ADAMTS12: variants seen among roughly 807,000 people sequenced by gnomAD.
ADAMTS12 encodes the protein A disintegrin and metalloproteinase with thrombospondin motifs 12.
In ADAMTS12, 118 loss-of-function variants were observed where a neutral mutation model predicts 167.8. The ratio of observed to expected loss-of-function variants is 0.70; its 90% CI spans 0.61 to 0.82. ADAMTS12 has a LOEUF of 0.82. ADAMTS12 is among the 40% of genes least tolerant of loss of function. ADAMTS12 has a pLI of 0.00. For missense variants in ADAMTS12, 1,916 were observed against 1,998.8 expected, an observed-to-expected ratio of 0.96 and a Z score of 0.79; for synonymous variants, 704 against 716.9, an observed-to-expected ratio of 0.98 and a Z score of 0.29.
intron 16 of ADAMTS12, among the ~76,000 whole-genome samples, chr5:33,611,337 CTT>C (rs78216415): frequency 2.6e-4 from 37 of 140,914 alleles, no homozygotes; most frequent in African/African-American, 7.2e-4. Flanking sequence ...AGCTGTGGGA[CTT>C]TTTTTTTTTT....
intron 19 of ADAMTS12, 26 bp from the exon 20 acceptor site, chr5:33,561,205 C>T: frequency 6.2e-7 from 1 of 1,609,106 alleles, no homozygotes; most frequent in Non-Finnish European, 8.5e-7. Flanking sequence ...AGAGAGATGA[C>T]AGAGGCTGAG....
intron 1 of ADAMTS12, among the ~76,000 whole-genome samples, chr5:33,886,057 T>C (rs889646194): frequency 3.3e-5 from 5 of 152,220 alleles, no homozygotes; most frequent in African/African-American, 9.6e-5. Flanking sequence ...ATTTTTCTCA[T>C]AAATTTTCTG....
intron 5 of ADAMTS12, among the ~76,000 whole-genome samples, chr5:33,668,828 C>T (rs1174497976): frequency 6.6e-6 from 1 of 152,158 alleles, no homozygotes; most frequent in South Asian, 2.1e-4. Context: ...TTTCCTCCCT[C>T]TTACCCTGCA....
At position 33,751,404 on chromosome 5, in the gene ADAMTS12, C is replaced by T. The variant is rs1744972278; in HGVS notation, c.634G>A (p.Asp212Asn). 1 of 1,613,894 alleles carries T rather than the reference C, an allele frequency of 6.2e-7. No individual in the cohort carries two copies. Among genetic ancestry groups the T allele is most frequent in the South Asian group, 1.1e-5 (1 of 91,074 alleles). ...CAGGAGGACATGTGAGTCACAATAC[C>T]CTTTAATCCACAGGTTGGCTCCTTG... Reference protein sequence around the residue: ...ETKEPTCGLKDSVNISQKQEL... With the variant: ...ETKEPTCGLKNSVNISQKQEL... The change falls in exon 3 of 24, where the codon GAC becomes AAC. Residue 212 changes from aspartate to asparagine, a missense_variant and splice_region_variant. By Grantham distance (23) the Asp-to-Asn change is conservative (BLOSUM62 1). Coordinates refer to ENST00000504830, the MANE Select transcript of ADAMTS12 (RefSeq NM_030955.4).
At chr5:33,770,780 TTTC>T (rs1449457758) in intron 2 of ADAMTS12, among the ~76,000 whole-genome samples, 3 of 151,092 alleles carry the variant, frequency 2.0e-5, no homozygotes, top group Non-Finnish European at 3.0e-5. Context: ...TCCTCCCTGC[TTTC>T]TTCTTCTCCT....
At position 33,881,441 on chromosome 5, in the gene ADAMTS12, C is replaced by T. The variant is rs142286539; in HGVS notation, c.167G>A (p.Gly56Asp). 8.6e-5 allele frequency: 139 copies of T among 1,613,730 alleles called. No homozygotes were observed. The African/African-American group carries it at 1.5e-3, about 17-fold the overall frequency. ...CCCACTGGCATCTACTCGGACTGGA[C>T]CCACCACGTGGTATTCTGGCAGGCC... ...IKGLPEYHVV[G>D]PVRVDASGHF... Residue 56 changes from glycine to aspartate, a missense_variant, in exon 2 of 24, where the codon GGT becomes GAT. Transcript: ENST00000504830.
chr5:33,641,756 C>CA, intron 11 of ADAMTS12, 54 bp downstream of exon 11: 6 of 1,475,322 alleles, frequency 4.1e-6, no homozygotes, highest in Non-Finnish European at 5.5e-6. Context: ...GACTGCCCCC[C>CA]ATCCCGCCCC....
In ADAMTS12 at chr5:33,686,958, A is replaced by AAG. The variant is rs553235125; in HGVS notation, c.635-2905_635-2904dup. 2.7e-3 allele frequency among the ~76,000 whole-genome samples: 379 copies of AAG among 138,182 alleles called. 2 individuals are homozygous for AAG. The highest frequency in any genetic ancestry group is 9.9e-3 in the African/African-American group (363 of 36,768). 90.7% of individuals were successfully genotyped at this position (138,182 alleles called of 152,430 possible). A position where few individuals can be genotyped will look rare whatever the true frequency, so the allele number is the denominator to read the frequency against. On this transcript the variant is annotated intron_variant, in intron 3 of 23. Coordinates refer to ENST00000504830, the MANE Select transcript of ADAMTS12 (RefSeq NM_030955.4). The stretch of plus-strand genomic sequence containing the variant: ...ATATAGAGAGAGAGAGAGAGAGAGC[A>AAG]AGAGAGAGAGAGATCTTGGACTTGA...
At chr5:33,773,597 T>A (rs1745819723) in intron 2 of ADAMTS12, among the ~76,000 whole-genome samples, 1 of 152,040 alleles carries the variant, frequency 6.6e-6, no homozygotes, top group Admixed American at 6.6e-5. Context: ...TTACCCTGAC[T>A]CCCAGAAGTA....
chr5:33,659,740 C>T (rs1290555666), intron 6 of ADAMTS12, among the ~76,000 whole-genome samples: 1 of 152,196 alleles, frequency 6.6e-6, no homozygotes, highest in Non-Finnish European at 1.5e-5. Context: ...GTGGAACCCA[C>T]ATTGGGTGTG....
At chr5:33,575,963 T>C in intron 19 of ADAMTS12, 91 bp downstream of exon 19, 1 of 1,501,126 alleles carries the variant, frequency 6.7e-7, no homozygotes, top group South Asian at 1.4e-5. Flanking sequence ...GAATATATTT[T>C]AATGCAAACT....
At chr5:33,837,441 C>T (rs533848532) in intron 2 of ADAMTS12, among the ~76,000 whole-genome samples, 1 of 152,314 alleles carries the variant, frequency 6.6e-6, no homozygotes, top group East Asian at 1.9e-4. Flanking sequence ...TCCTCATAAG[C>T]ACTTTGCTTG....
intron 9 of ADAMTS12, among the ~76,000 whole-genome samples, chr5:33,644,737 G>GT (rs1740594602): frequency 9.3e-6 from 1 of 107,682 alleles, no homozygotes; most frequent in African/African-American, 3.0e-5. Context: ...CTGAAGGGTG[G>GT]CTTTTTTTTT....
intron 3 of ADAMTS12, among the ~76,000 whole-genome samples, chr5:33,699,327 G>T (rs1306819069): frequency 6.6e-6 from 1 of 151,348 alleles, no homozygotes; most frequent in Non-Finnish European, 1.5e-5. Context: ...TGGTCTTCTC[G>T]ACTAAGATGT....
Position 33,617,627 on chromosome 5 carries a change from T to C in ADAMTS12, c.2144-1555A>G, listed in dbSNP as rs576993161. The stretch of plus-strand genomic sequence containing the variant: ...ATTGATCACATGTAATCGAGGCTAA[T>C]GGTTTTAAAAAATAAATGCCCTCCG... On this transcript the variant is annotated intron_variant, in intron 14 of 23. Transcript: ENST00000504830. Among the ~76,000 whole-genome samples, 7 of 152,314 alleles carry C rather than the reference T, an allele frequency of 4.6e-5. No individual in the cohort carries two copies. In the South Asian group the frequency reaches 1.5e-3, roughly 32 times the overall value.
chr5:33,707,175 C>A (rs1452669119), intron 3 of ADAMTS12, among the ~76,000 whole-genome samples: 1 of 152,048 alleles, frequency 6.6e-6, no homozygotes, highest in Non-Finnish European at 1.5e-5. Flanking sequence ...AATAGATAAC[C>A]AAATCATGAG....
chr5:33,539,108 A>AT (rs1744556649), intron 22 of ADAMTS12, among the ~76,000 whole-genome samples: 1 of 151,822 alleles, frequency 6.6e-6, no homozygotes. Context: ...TGCCTGACTA[A>AT]TTTTTTTATT....
At chr5:33,754,888 G>A (rs1490930581) in intron 2 of ADAMTS12, among the ~76,000 whole-genome samples, 2 of 151,756 alleles carry the variant, frequency 1.3e-5, no homozygotes, top group South Asian at 2.1e-4. Flanking sequence ...AAATAAATAA[G>A]TATCTGTGAA....
chr5:33,608,270 G>A (rs1283961700), intron 16 of ADAMTS12, among the ~76,000 whole-genome samples: 1 of 152,192 alleles, frequency 6.6e-6, no homozygotes, highest in African/African-American at 2.4e-5. Flanking sequence ...TCTGGCAAAG[G>A]AGATAAGACG....
Sources: allele counts gnomAD v4.1 joint callset (sites outside exome capture counted in the v4.1 genomes callset), GRCh38; gene constraint gnomAD v4.1.1; transcripts MANE v1.5; gene names NCBI Gene and HGNC (gene_info 2026-07-23, HGNC 2026-07-21).